The following ZNF385B variants were observed in gnomAD, a reference collection of about 807,000 sequenced individuals.
ZNF385B encodes zinc finger protein 385B, also known as zinc finger protein 533.
ZNF385B carries 23 observed loss-of-function variants against 39.2 expected under a neutral mutation model. That is an observed-to-expected ratio of 0.59 (90% CI 0.42 to 0.83). The LOEUF (loss-of-function observed/expected upper bound fraction) is 0.83, where lower values mean the gene tolerates loss of function less well. ZNF385B is among the 40% of genes least tolerant of loss of function. ZNF385B has a pLI of 0.00. For synonymous variants in ZNF385B, 205 were observed against 222.6 expected, an observed-to-expected ratio of 0.92 and a Z score of 0.70; for missense variants, 552 against 598.9, an observed-to-expected ratio of 0.92 and a Z score of 0.82.
intron 5 of ZNF385B, among the ~76,000 whole-genome samples, chr2:179,508,620 C>G (rs1243578686): frequency 1.3e-5 from 2 of 152,160 alleles, no homozygotes; most frequent in African/African-American, 4.8e-5. Context: ...GATCAGCAAA[C>G]TAATATTTAA....
intron 3 of ZNF385B, among the ~76,000 whole-genome samples, chr2:179,683,500 C>T (rs1236710672): frequency 1.4e-5 from 2 of 146,084 alleles, no homozygotes; most frequent in Non-Finnish European, 1.5e-5. Context: ...TTTTAGATGG[C>T]GTTTATCTCT....
chr2:179,602,009 A>G (rs1234982269), intron 3 of ZNF385B, among the ~76,000 whole-genome samples: 1 of 152,192 alleles, frequency 6.6e-6, no homozygotes. Context: ...TACAATTCTC[A>G]TCACATTGAT....
At chr2:179,612,622 G>A (rs541025441) in intron 3 of ZNF385B, among the ~76,000 whole-genome samples, 1 of 152,280 alleles carries the variant, frequency 6.6e-6, no homozygotes, top group East Asian at 1.9e-4. Context: ...ATCTGGAGCT[G>A]GGGGATGGGT....
intron 1 of ZNF385B, among the ~76,000 whole-genome samples, chr2:179,847,674 A>C (rs1455558245): frequency 6.6e-6 from 1 of 152,166 alleles, no homozygotes; most frequent in Non-Finnish European, 1.5e-5. Context: ...AGCAACGTTG[A>C]ACCAGAGGAG....
At chr2:179,793,460 G>A (rs1175950783) in intron 1 of ZNF385B, among the ~76,000 whole-genome samples, 2 of 152,170 alleles carry the variant, frequency 1.3e-5, no homozygotes, top group Non-Finnish European at 2.9e-5. Flanking sequence ...ATTGGATCAT[G>A]GGGATAGTTT....
chr2:179,652,515 G>C (rs759375576), intron 3 of ZNF385B, among the ~76,000 whole-genome samples: 4 of 152,018 alleles, frequency 2.6e-5, no homozygotes, highest in Non-Finnish European at 5.9e-5. Context: ...TCTTTAAACT[G>C]CTCGTCTGAG....
chr2:179,476,007 C>A (rs1330781200), intron 6 of ZNF385B, among the ~76,000 whole-genome samples: 1 of 125,468 alleles, frequency 8.0e-6, no homozygotes, highest in African/African-American at 3.0e-5. Context: ...ACAGAGTGAG[C>A]CTCTGTCTCA....
At chr2:179,837,842 T>C (rs1273351785) in intron 1 of ZNF385B, among the ~76,000 whole-genome samples, 1 of 152,334 alleles carries the variant, frequency 6.6e-6, no homozygotes, top group Non-Finnish European at 1.5e-5. Context: ...TAGAGTTAGA[T>C]ATAAACACTA....
chr2:179,835,748 A>C (rs1476470206), intron 1 of ZNF385B, among the ~76,000 whole-genome samples: 1 of 151,992 alleles, frequency 6.6e-6, no homozygotes, highest in African/African-American at 2.4e-5. Context: ...TTCTGCCTCT[A>C]GACCCTTCAT....
At chr2:179,507,505 T>C (rs2057339229) in intron 5 of ZNF385B, among the ~76,000 whole-genome samples, 2 of 152,224 alleles carry the variant, frequency 1.3e-5, no homozygotes, top group South Asian at 4.1e-4. Flanking sequence ...AAATGATAGC[T>C]TTCCACTTGT....
intron 4 of ZNF385B, among the ~76,000 whole-genome samples, chr2:179,524,955 A>G (rs2058793800): frequency 1.3e-5 from 2 of 152,112 alleles, no homozygotes; most frequent in South Asian, 4.1e-4. Context: ...TGATTTACTG[A>G]GGTTTGCTGG....
intron 3 of ZNF385B, among the ~76,000 whole-genome samples, chr2:179,569,632 T>C (rs1254722429): frequency 6.6e-6 from 1 of 152,202 alleles, no homozygotes; most frequent in East Asian, 1.9e-4. Flanking sequence ...AATGTTTTGT[T>C]TTGACAGGTT....
At chr2:179,491,643 T>C (rs1447947141) in intron 5 of ZNF385B, among the ~76,000 whole-genome samples, 3 of 152,196 alleles carry the variant, frequency 2.0e-5, no homozygotes, top group Non-Finnish European at 4.4e-5. Flanking sequence ...CTTTTAGAAG[T>C]TCTGACCTTT....
intron 6 of ZNF385B, among the ~76,000 whole-genome samples, chr2:179,465,189 T>C (rs2051851728): frequency 6.6e-6 from 1 of 152,164 alleles, no homozygotes. Flanking sequence ...TGGTTCTCCT[T>C]TAGCTTCTAC....
rs193187512 is a variant in ZNF385B at position 179,753,205 on chromosome 2, T to G, written c.298+16298A>C. Among the ~76,000 whole-genome samples, 514 of 152,328 alleles carry G rather than the reference T, an allele frequency of 3.4e-3. 4 individuals carry two copies. Among genetic ancestry groups the G allele is most frequent in the African/African-American group, 0.012 (497 of 41,584 alleles). On this transcript the variant is annotated intron_variant, in intron 3 of 9. Transcript: ENST00000410066. ...TTAAATAGGGAATCATTTCCCCATT[T>G]CTTGTTTTTGTCAGGTTTGTCAAAG...
At chr2:179,500,830 G>T (rs2056687450) in intron 5 of ZNF385B, among the ~76,000 whole-genome samples, 1 of 152,086 alleles carries the variant, frequency 6.6e-6, no homozygotes, top group South Asian at 2.1e-4. Context: ...TAAAACATCT[G>T]CAAACTACCT....
intron 1 of ZNF385B, among the ~76,000 whole-genome samples, chr2:179,779,504 T>C (rs1704540624): frequency 6.6e-6 from 1 of 152,198 alleles, no homozygotes; most frequent in African/African-American, 2.4e-5. Flanking sequence ...AGATTTCAGC[T>C]GTGAAAAAAA....
chr2:179,813,622 C>A (rs965035741), intron 1 of ZNF385B, among the ~76,000 whole-genome samples: 5 of 151,964 alleles, frequency 3.3e-5, no homozygotes, highest in African/African-American at 1.2e-4. Context: ...TGACATCCAC[C>A]CTATAGTAGT....
At chr2:179,455,448 T>G (rs10205935) in intron 6 of ZNF385B, among the ~76,000 whole-genome samples, 71,104 of 151,644 alleles carry the variant, frequency 0.47, 17,304 homozygotes, top group African/African-American at 0.6. Context: ...TTCATAAGAG[T>G]TTTTTCCCCC....
Sources: allele counts gnomAD v4.1 joint callset (sites outside exome capture counted in the v4.1 genomes callset), GRCh38; gene constraint gnomAD v4.1.1; transcripts MANE v1.5; gene names NCBI Gene and HGNC (gene_info 2026-07-23, HGNC 2026-07-21).